The following RAB11FIP4 variants were observed in gnomAD, a reference collection of about 807,000 sequenced individuals.
RAB11FIP4 encodes the protein rab11 family-interacting protein 4.
RAB11FIP4 carries 23 observed loss-of-function variants against 74.3 expected under a neutral mutation model. That is an observed-to-expected ratio of 0.31 (90% CI 0.22 to 0.44). RAB11FIP4 has a LOEUF of 0.44. Ranked by LOEUF, RAB11FIP4 falls within the 20% of genes least tolerant of loss-of-function variation. The pLI, the probability that RAB11FIP4 is intolerant of heterozygous loss-of-function variation, is 1.00. For synonymous variants in RAB11FIP4, 360 were observed against 359.9 expected (o/e 1.00, Z 0.00); for missense variants, 630 against 863.9 (o/e 0.73, Z 3.39).
At chr17:31,459,435 T>C (rs2071613540) in intron 3 of RAB11FIP4, among the ~76,000 whole-genome samples, 2 of 152,184 alleles carry the variant, frequency 1.3e-5, no homozygotes, top group African/African-American at 4.8e-5. Flanking sequence ...GATACTCTCA[T>C]TCCTCTCTGT....
chr17:31,484,195 A>G (rs773995533), intron 3 of RAB11FIP4, among the ~76,000 whole-genome samples: 12 of 150,038 alleles, frequency 8.0e-5, no homozygotes, highest in East Asian at 4.0e-4. Flanking sequence ...CTCAGCCTCC[A>G]GAGTGTCTGG....
At chr17:31,442,754 G>GACC (rs1171404862) in intron 3 of RAB11FIP4, among the ~76,000 whole-genome samples, 33 of 152,328 alleles carry the variant, frequency 2.2e-4, no homozygotes, top group Middle Eastern at 3.4e-3. Context: ...GAGGTCAGGA[G>GACC]TTTGAGACCA....
chr17:31,515,361 T>C (rs72625002), intron 3 of RAB11FIP4, among the ~76,000 whole-genome samples: 6,266 of 151,838 alleles, frequency 0.041, 365 homozygotes, highest in East Asian at 0.2. Flanking sequence ...CTCCACAGTC[T>C]CTGCTGTTGG....
intron 1 of RAB11FIP4, among the ~76,000 whole-genome samples, chr17:31,429,027 G>T (rs1333005362): frequency 6.6e-6 from 1 of 152,096 alleles, no homozygotes; most frequent in Non-Finnish European, 1.5e-5. Flanking sequence ...ACCCAGGCTG[G>T]AGTGCAGTGG....
chr17:31,457,494 C>G (rs2071589700), intron 3 of RAB11FIP4, among the ~76,000 whole-genome samples: 5 of 152,140 alleles, frequency 3.3e-5, no homozygotes, highest in Admixed American at 3.3e-4. Context: ...CCCTCTCTCA[C>G]CCCACCCCAG....
intron 3 of RAB11FIP4, among the ~76,000 whole-genome samples, chr17:31,491,394 G>A (rs2072005869): frequency 6.6e-6 from 1 of 152,216 alleles, no homozygotes; most frequent in Admixed American, 6.5e-5. Flanking sequence ...CAAGGAGCTC[G>A]CAGGATGGTA....
At chr17:31,434,464 T>C (rs1003722716) in intron 3 of RAB11FIP4, among the ~76,000 whole-genome samples, 3 of 152,176 alleles carry the variant, frequency 2.0e-5, no homozygotes, top group African/African-American at 7.2e-5. Flanking sequence ...AGCTGAACGC[T>C]TCCTGTTTGT....
intron 3 of RAB11FIP4, among the ~76,000 whole-genome samples, chr17:31,454,127 A>G (rs2071555272): frequency 6.6e-6 from 1 of 152,164 alleles, no homozygotes; most frequent in African/African-American, 2.4e-5. Flanking sequence ...GCCTGATCAC[A>G]TGAAAACCAC....
intron 1 of RAB11FIP4, among the ~76,000 whole-genome samples, chr17:31,420,849 C>T (rs1205990572): frequency 2.0e-5 from 3 of 151,880 alleles, no homozygotes; most frequent in South Asian, 4.2e-4. Flanking sequence ...TTTGGGAGGC[C>T]GAAGGGGGTG....
chr17:31,450,762 G>A (rs1390262191), intron 3 of RAB11FIP4, among the ~76,000 whole-genome samples: 5 of 152,094 alleles, frequency 3.3e-5, no homozygotes, highest in Middle Eastern at 3.4e-3. Context: ...TTTCCCCTCC[G>A]ACATTGCCTT....
chr17:31,479,866 G>A (rs145457579), intron 3 of RAB11FIP4, among the ~76,000 whole-genome samples: 8 of 152,052 alleles, frequency 5.3e-5, no homozygotes, highest in Non-Finnish European at 1.0e-4. Flanking sequence ...CTTCTCTCTC[G>A]GCCTGTTTCC....
chr17:31,505,520 T>TTCTATA (rs2072313013), intron 3 of RAB11FIP4, among the ~76,000 whole-genome samples: 4 of 60,350 alleles, frequency 6.6e-5, no homozygotes, highest in Admixed American at 2.7e-4. Flanking sequence ...ATAATAATTA[T>TTCTATA]ATATTATATA....
chr17:31,422,195 T>C (rs752811916), intron 1 of RAB11FIP4, among the ~76,000 whole-genome samples: 3 of 152,114 alleles, frequency 2.0e-5, no homozygotes, highest in Non-Finnish European at 4.4e-5. Context: ...ACAAAAAAAG[T>C]ATTATAGTTT....
At chr17:31,505,959 C>G (rs1258561220) in intron 3 of RAB11FIP4, among the ~76,000 whole-genome samples, 2 of 151,066 alleles carry the variant, frequency 1.3e-5, no homozygotes, top group African/African-American at 4.9e-5. Context: ...CCTTGGCCTC[C>G]CAAAGTGCTG....
intron 4 of RAB11FIP4, among the ~76,000 whole-genome samples, chr17:31,519,822 G>A (rs947002422): frequency 4.6e-5 from 7 of 152,028 alleles, no homozygotes; most frequent in African/African-American, 1.7e-4. Flanking sequence ...AAGAGGGGCC[G>A]TGCTGCTCGT....
At chr17:31,513,383 C>T (rs983173239) in intron 3 of RAB11FIP4, among the ~76,000 whole-genome samples, 6 of 152,222 alleles carry the variant, frequency 3.9e-5, no homozygotes, top group African/African-American at 1.4e-4. Context: ...TCTCCCAGCC[C>T]ATGAATGGTG....
At chr17:31,527,963 A>G (rs1467056605) in intron 11 of RAB11FIP4, 40 bp downstream of exon 11, 1 of 1,479,680 alleles carries the variant, frequency 6.8e-7, no homozygotes, top group African/African-American at 1.4e-5. Flanking sequence ...AGGGCTGGCC[A>G]TCGGGAGCCT....
At chr17:31,504,125 A>G (rs1385648165) in intron 3 of RAB11FIP4, among the ~76,000 whole-genome samples, 3 of 142,808 alleles carry the variant, frequency 2.1e-5, no homozygotes, top group Non-Finnish European at 4.5e-5. Context: ...AATGTTTACT[A>G]CTACTTCTTT....
chr17:31,398,636 A>G (rs1018608667), intron 1 of RAB11FIP4, among the ~76,000 whole-genome samples: 3 of 152,234 alleles, frequency 2.0e-5, no homozygotes, highest in Non-Finnish European at 2.9e-5. Context: ...CGTCCAGCCC[A>G]TGAAGTGTGA....
Sources: allele counts gnomAD v4.1 joint callset (sites outside exome capture counted in the v4.1 genomes callset), GRCh38; gene constraint gnomAD v4.1.1; transcripts MANE v1.5; gene names NCBI Gene and HGNC (gene_info 2026-07-23, HGNC 2026-07-21).